Variants in BNIPL observed in about 807,000 individuals in gnomAD.
BNIPL encodes bcl-2/adenovirus E1B 19 kDa-interacting protein 2-like protein.
In BNIPL, 33 loss-of-function variants were observed where a neutral mutation model predicts 47.0. The observed-to-expected ratio is 0.70, with a 90% confidence interval of 0.53 to 0.94. BNIPL has a LOEUF of 0.94. Among genes scored for constraint, BNIPL ranks in the 40% least tolerant of loss-of-function variants. The pLI is 0.00. For synonymous variants in BNIPL, 145 were observed against 162.7 expected (o/e 0.89, Z 0.83); for missense variants, 404 against 445.2 (o/e 0.91, Z 0.83).
rs199934180 is a variant in BNIPL at position 151,043,339 on chromosome 1, C to T, written c.624C>T (p.His208=). The change falls in exon 6 of 10, where the codon CAC becomes CAT. Residue 208 remains histidine (H), a synonymous_variant. Coordinates refer to ENST00000368931, the MANE Select transcript of BNIPL (RefSeq NM_138278.4). ...TCCCCTTACACTCTCCAGGTTACCA[C>T]GGTGATGGCCTCAATGCTGTCATCC... ...YKKVLSHGGY[H]GDGLNAVILF... The T allele has an allele frequency of 5.9e-5, 95 of 1,605,410 alleles. 1 individual carries two copies. In the East Asian group the frequency reaches 1.4e-3, roughly 24 times the overall value.
Position 151,046,767 on chromosome 1 carries a change from T to A in BNIPL, c.*80T>A. 8.1e-7 allele frequency: 1 copy of A among 1,233,992 alleles called. No homozygotes were observed. Among genetic ancestry groups the A allele is most frequent in the Admixed American group, 2.0e-5 (1 of 49,846 alleles). The allele number at this position is 1,233,992 out of a possible 1,614,324, so 76.4% of individuals were successfully genotyped here. On this transcript the variant is annotated 3_prime_UTR_variant, in exon 10 of 10. Coordinates refer to ENST00000368931, the MANE Select transcript of BNIPL (RefSeq NM_138278.4). ...TCCCTGAAACATCTGAACTGTTTTG[T>A]AAATCATCTTATCCCCAACCTCAGT...
intron 2 of BNIPL, chr1:151,038,267 G>A (rs1675697342): frequency 9.1e-6 from 5 of 549,810 alleles, no homozygotes; most frequent in Admixed American, 3.2e-5. Context: ...CCAGCTACTC[G>A]GGAGGCTGAG....
intron 9 of BNIPL, 116 bp downstream of exon 9, chr1:151,046,281 G>T: frequency 6.8e-7 from 1 of 1,473,938 alleles, no homozygotes; most frequent in South Asian, 1.3e-5. Context: ...CCCTGTTTTC[G>T]GGTGCTTTAA....
chr1:151,046,112 G>A lies in BNIPL; in HGVS notation c.984G>A (p.Glu328=). Residue 328 remains glutamate, a synonymous_variant, in exon 9 of 10, where the codon GAG becomes GAA. Transcript: ENST00000368931. ...TCCGTTTTCTGGACAGCCTGGGGGAGCTGGCCCAACTCATATCCCTGGATC... is the reference window on the plus strand; with the variant it reads ...TCCGTTTTCTGGACAGCCTGGGGGAACTGGCCCAACTCATATCCCTGGATC... ...RKIRFLDSLG[E]LAQLISLDQV... is the part of the protein sequence containing the mutation. 1.2e-6 allele frequency: 2 copies of A among 1,614,136 alleles called. No homozygotes were observed. The highest frequency in any genetic ancestry group is 1.6e-4 in the Middle Eastern group (1 of 6,062).
In BNIPL at chr1:151,038,791, T is replaced by A. The variant is rs919355870; in HGVS notation, c.203-5T>A. On this transcript the variant is annotated splice_polypyrimidine_tract_variant and splice_region_variant and intron_variant, in intron 3 of 9. Transcript: ENST00000368931. ...TCTTGGTTCTCTTTTTCCCCCTTTC[T>A]CCAGCTGCAGGTACCCCCAGCACTT... is the stretch of plus-strand genomic sequence containing the variant. The A allele has an allele frequency of 1.3e-6, 2 of 1,568,676 alleles. No homozygotes were observed. Among genetic ancestry groups the A allele is most frequent in the African/African-American group, 2.7e-5 (2 of 73,302 alleles).
intron 4 of BNIPL, 82 bp from the exon 5 acceptor site, chr1:151,042,873 AC>A: frequency 8.6e-7 from 1 of 1,165,164 alleles, no homozygotes. Context: ...GATTAGAGTA[AC>A]AAACTAGGAA....
Position 151,047,102 on chromosome 1 carries a change from G to C in BNIPL, c.*415G>C, listed in dbSNP as rs1479097936. The C allele has an allele frequency of 6.4e-6, 1 of 156,664 alleles. No homozygotes were observed. Among genetic ancestry groups the C allele is most frequent in the Non-Finnish European group, 1.4e-5 (1 of 70,864 alleles). 9.7% of individuals were successfully genotyped at this position (156,664 alleles called of 1,614,324 possible). ...GCCTCAGCGAGTAGCTGAGACTACC[G>C]GCGCACGCCACCACGCCCAGCTAAT... On this transcript the variant is annotated 3_prime_UTR_variant, in exon 10 of 10. Coordinates refer to ENST00000368931, the MANE Select transcript of BNIPL (RefSeq NM_138278.4).
chr1:151,041,982 A>G (rs1019116975), intron 4 of BNIPL, among the ~76,000 whole-genome samples: 1 of 152,112 alleles, frequency 6.6e-6, no homozygotes, highest in Non-Finnish European at 1.5e-5. Flanking sequence ...CTCAGAAAAA[A>G]AAAGGAAATA....
rs765698682 is a variant in BNIPL, at chr1:151,036,690, AG to A, written c.-34del. On this transcript the variant is annotated 5_prime_UTR_variant, in exon 1 of 10. Transcript: ENST00000368931. The stretch of plus-strand genomic sequence containing the variant: ...GACAACCAGCTCCCCAACAACTCCT[AG>A]GTGTTTAAAGAAGGAGGCAGGAAGA... 6 of 1,577,724 alleles carry A rather than the reference AG, an allele frequency of 3.8e-6. No individual in the cohort carries two copies. Among genetic ancestry groups the A allele is most frequent in the Non-Finnish European group, 5.2e-6 (6 of 1,147,218 alleles).
rs755358962 is a variant in BNIPL, at chr1:151,046,065, A to G, written c.939-2A>G. 1.2e-5 allele frequency: 19 copies of G among 1,614,150 alleles called. No homozygotes were observed. The East Asian group carries it at 4.2e-4, about 36-fold the overall frequency. The stretch of plus-strand genomic sequence containing the variant: ...CACAGTTGATTTATTCTCTCTTTTC[A>G]GTTCCAAATTCACACGAAAAATCCG... On this transcript the variant is annotated splice_acceptor_variant, in intron 8 of 9. Coordinates refer to ENST00000368931, the MANE Select transcript of BNIPL (RefSeq NM_138278.4). LOFTEE classifies it high-confidence loss of function.
intron 4 of BNIPL, among the ~76,000 whole-genome samples, chr1:151,040,086 A>G (rs1675764751): frequency 6.6e-6 from 1 of 152,100 alleles, no homozygotes; most frequent in Non-Finnish European, 1.5e-5. Context: ...ACATGATCAA[A>G]TTTAATGACT....
intron 4 of BNIPL, among the ~76,000 whole-genome samples, chr1:151,041,323 C>G (rs1470535776): frequency 6.6e-6 from 1 of 152,088 alleles, no homozygotes; most frequent in Non-Finnish European, 1.5e-5. Context: ...AGAACCCAAA[C>G]CAGGATAGCA....
chr1:151,038,234 T>G (rs1675696149), intron 2 of BNIPL, among the ~76,000 whole-genome samples: 1 of 151,680 alleles, frequency 6.6e-6, no homozygotes, highest in African/African-American at 2.4e-5. Flanking sequence ...TTTAGCCAAG[T>G]GTGGTGGTGC....
intron 9 of BNIPL, 39 bp from the exon 10 acceptor site, chr1:151,046,605 TCCTACCC>T: frequency 6.5e-7 from 1 of 1,535,842 alleles, no homozygotes. Context: ...AAAACCCAAG[TCCTACCC>T]CCTGAACCAC....
At chr1:151,043,537 GT>G in intron 6 of BNIPL, 58 bp from the exon 7 acceptor site, 2 of 1,563,100 alleles carry the variant, frequency 1.3e-6, no homozygotes, top group Non-Finnish European at 8.8e-7. Context: ...CTACAGTAAT[GT>G]TCCTCTCACT....
intron 5 of BNIPL, 28 bp downstream of exon 5, chr1:151,043,166 AG>A: frequency 6.3e-7 from 1 of 1,596,670 alleles, no homozygotes; most frequent in Non-Finnish European, 8.6e-7. Flanking sequence ...GCAGGTGTTA[AG>A]AGCTATGGCT....
At chr1:151,040,278 C>T (rs1325029686) in intron 4 of BNIPL, among the ~76,000 whole-genome samples, 1 of 152,152 alleles carries the variant, frequency 6.6e-6, no homozygotes, top group Non-Finnish European at 1.5e-5. Flanking sequence ...CTCCTAGGCT[C>T]AAGCAATCCT....
intron 4 of BNIPL, among the ~76,000 whole-genome samples, chr1:151,041,722 C>A (rs587694995): frequency 6.6e-6 from 1 of 152,272 alleles, no homozygotes; most frequent in East Asian, 1.9e-4. Context: ...GCCTGTAATC[C>A]TAGCACTTTG....
chr1:151,045,735 C>G (rs755207471), intron 7 of BNIPL, 62 bp from the exon 8 acceptor site: 1 of 1,612,282 alleles, frequency 6.2e-7, no homozygotes, highest in East Asian at 2.2e-5. Context: ...GAAAACAGTT[C>G]CACGTGATCT....
Sources: allele counts gnomAD v4.1 joint callset (sites outside exome capture counted in the v4.1 genomes callset), GRCh38; gene constraint gnomAD v4.1.1; transcripts MANE v1.5; gene names NCBI Gene and HGNC (gene_info 2026-07-23, HGNC 2026-07-21).